The following GCKR variants were observed in gnomAD, a reference collection of about 807,000 sequenced individuals.
GCKR encodes the protein glucokinase regulatory protein.
A neutral mutation model predicts 82.9 loss-of-function variants in GCKR; 73 were observed. The observed-to-expected ratio is 0.88, with a 90% confidence interval of 0.73 to 1.07. The LOEUF is 1.07. GCKR is among the 50% of genes least tolerant of loss of function. The probability of loss-of-function intolerance (pLI) is 0.00; values close to 1 mark genes in which losing one functional copy is unlikely to be tolerated. For synonymous variants in GCKR, 294 were observed against 291.8 expected (o/e 1.01, Z -0.08); for missense variants, 784 against 782.1 (o/e 1.00, Z -0.03).
rs766286371 is a variant in GCKR at position 27,498,767 on chromosome 2, T to C, written c.398T>C (p.Leu133Pro). 4 of 1,608,150 alleles carry C rather than the reference T, an allele frequency of 2.5e-6. No homozygotes were observed. The highest frequency in any genetic ancestry group is 3.4e-6 in the Non-Finnish European group (4 of 1,174,632). Reference protein sequence around the residue: ...QLMKGLGQKPLYTYLIAGGDR... With the variant: ...QLMKGLGQKPPYTYLIAGGDR... ...ATGAAAGGTCTGGGACAGAAACCTC[T>C]TTACACCTACCTCATTGCAGGTGGT... The change falls in exon 5 of 19, where the codon CTT becomes CCT. Residue 133 changes from leucine (L) to proline (P), a missense_variant. By Grantham distance (98) the Leu-to-Pro change is moderately conservative. Transcript: ENST00000264717.
At chr2:27,511,153 G>C (rs985595929) in intron 16 of GCKR, among the ~76,000 whole-genome samples, 5 of 151,956 alleles carry the variant, frequency 3.3e-5, no homozygotes, top group African/African-American at 1.2e-4. Flanking sequence ...TCAGCCTCCT[G>C]AGTAGCTGGG....
intron 17 of GCKR, among the ~76,000 whole-genome samples, chr2:27,519,973 G>C (rs1670111292): frequency 6.6e-6 from 1 of 152,054 alleles, no homozygotes; most frequent in Admixed American, 6.6e-5. Context: ...CGGCACAACA[G>C]ATGGTCATGA....
At chr2:27,504,590 C>T (rs372690437) in intron 9 of GCKR, among the ~76,000 whole-genome samples, 1 of 151,536 alleles carries the variant, frequency 6.6e-6, no homozygotes, top group East Asian at 2.0e-4. Context: ...TCAGGTGATC[C>T]GCCCGCCTCG....
intron 17 of GCKR, among the ~76,000 whole-genome samples, chr2:27,520,606 T>A (rs375701160): frequency 7.5e-4 from 115 of 152,378 alleles, no homozygotes; most frequent in African/African-American, 2.7e-3. Context: ...ACTTGAAATG[T>A]GGCTAATGTG....
At chr2:27,517,918 C>T (rs1379218577) in intron 16 of GCKR, among the ~76,000 whole-genome samples, 1 of 152,196 alleles carries the variant, frequency 6.6e-6, no homozygotes, top group Non-Finnish European at 1.5e-5. Context: ...TTCTCCATCT[C>T]GTTATCATAT....
In GCKR at chr2:27,499,320, C is replaced by A. The variant is rs8179208; in HGVS notation, c.496-77C>A. 5.4e-4 allele frequency: 743 copies of A among 1,363,542 alleles called. 8 individuals carry two copies. In the African/African-American group the frequency reaches 8.3e-3, roughly 15 times the overall value. The allele number at this position is 1,363,542 out of a possible 1,614,324, so 84.5% of individuals were successfully genotyped here. A position where few individuals can be genotyped will look rare whatever the true frequency, so the allele number is the denominator to read the frequency against. On this transcript the variant is annotated intron_variant, in intron 6 of 18. Transcript: ENST00000264717. Reference sequence around the variant, plus strand: ...TATTTCCTCCCTCCCCTGTTCCTGGCCCTGATATCCTCACACAGTAGATTT... The same window carrying A: ...TATTTCCTCCCTCCCCTGTTCCTGGACCTGATATCCTCACACAGTAGATTT...
intron 16 of GCKR, 82 bp from the exon 17 acceptor site, chr2:27,518,706 C>A: frequency 8.7e-7 from 1 of 1,147,710 alleles, no homozygotes; most frequent in Non-Finnish European, 1.3e-6. Context: ...AGTTGGTTTC[C>A]TGTCTGATAA....
intron 17 of GCKR, among the ~76,000 whole-genome samples, chr2:27,520,383 C>G (rs1194391791): frequency 2.0e-5 from 3 of 152,130 alleles, no homozygotes; most frequent in Non-Finnish European, 4.4e-5. Context: ...AGGTCATTCA[C>G]CAAGTCCCAG....
At position 27,499,410 on chromosome 2, in the gene GCKR, A is replaced by G. The variant is rs1669516307; in HGVS notation, c.509A>G (p.Lys170Arg). ...CTCCTCTCCTAGGTGGCTGCCGGGA[A>G]GAAGAGAGTGATTGTCATTGGCATT... ...IEELKKVAAGKKRVIVIGISV... is the reference protein window; with the variant it reads ...IEELKKVAAGRKRVIVIGISV... The change falls in exon 7 of 19, where the codon AAG becomes AGG. Residue 170 changes from lysine (K) to arginine (R), a missense_variant. By Grantham distance (26) the Lys-to-Arg change is conservative. Transcript: ENST00000264717. The G allele has an allele frequency of 6.2e-7, 1 of 1,612,506 alleles. No individual in the cohort carries two copies.
intron 16 of GCKR, among the ~76,000 whole-genome samples, chr2:27,515,568 G>T (rs189639402): frequency 6.6e-6 from 1 of 152,168 alleles, no homozygotes; most frequent in Admixed American, 6.5e-5. Flanking sequence ...GGTCCAGAAA[G>T]CTTTTTCTAA....
At chr2:27,509,563 A>T (rs1275325251) in intron 16 of GCKR, 1 of 446,348 alleles carries the variant, frequency 2.2e-6, no homozygotes, top group African/African-American at 2.0e-5. Flanking sequence ...GCTGTTTGCC[A>T]ACTCCTAGAC....
At chr2:27,506,720 C>G in intron 11 of GCKR, 68 bp from the exon 12 acceptor site, 2 of 1,133,512 alleles carry the variant, frequency 1.8e-6, no homozygotes, top group African/African-American at 1.5e-5. Flanking sequence ...CTCCTGTGTT[C>G]TTCTGTGGAC....
At chr2:27,517,786 T>G (rs1021537378) in intron 16 of GCKR, among the ~76,000 whole-genome samples, 1 of 152,200 alleles carries the variant, frequency 6.6e-6, no homozygotes, top group Admixed American at 6.6e-5. Flanking sequence ...ACCACATGTT[T>G]GAACAATTTT....
chr2:27,497,121 G>A, intron 1 of GCKR, 123 bp from the exon 2 acceptor site: 1 of 1,251,588 alleles, frequency 8.0e-7, no homozygotes, highest in East Asian at 2.3e-5. Context: ...AGTTTCTGGT[G>A]TGGTATGTGT....
At chr2:27,516,649 T>A (rs371658630) in intron 16 of GCKR, among the ~76,000 whole-genome samples, 3 of 152,232 alleles carry the variant, frequency 2.0e-5, no homozygotes, top group African/African-American at 7.2e-5. Flanking sequence ...TTTCCATGTG[T>A]ACTTTAAAAT....
At chr2:27,507,384 C>T (rs149768747) in intron 13 of GCKR, 73 bp downstream of exon 13, 32 of 958,010 alleles carry the variant, frequency 3.3e-5, no homozygotes, top group South Asian at 2.2e-4. Context: ...AAGGGGAAGG[C>T]GGAGCTAGGT....
chr2:27,518,663 A>G, intron 16 of GCKR, 125 bp from the exon 17 acceptor site: 1 of 818,700 alleles, frequency 1.2e-6, no homozygotes, highest in Non-Finnish European at 2.2e-6. Context: ...GCTCAAACAA[A>G]TCATGTTTGC....
At chr2:27,520,800 C>A (rs1157098163) in intron 17 of GCKR, among the ~76,000 whole-genome samples, 1 of 152,040 alleles carries the variant, frequency 6.6e-6, no homozygotes, top group African/African-American at 2.4e-5. Context: ...TTCTGGGAGG[C>A]CGAAGCAGGC....
rs1285239617 is a variant in GCKR at position 27,498,748 on chromosome 2, G to A, written c.379G>A (p.Gly127Ser). The A allele has an allele frequency of 1.9e-6, 3 of 1,607,192 alleles. No homozygotes were observed. The highest frequency in any genetic ancestry group is 1.7e-5 in the Admixed American group (1 of 60,010). Residue 127 changes from glycine to serine, a missense_variant, in exon 5 of 19, where the codon GGT (glycine) becomes AGT (serine). Physicochemically the swap from Gly to Ser is moderately conservative, Grantham distance 56 (BLOSUM62 0). Coordinates refer to ENST00000264717, the MANE Select transcript of GCKR (RefSeq NM_001486.4). ...MSVSFNQLMKGLGQKPLYTYL... is the reference protein window; with the variant it reads ...MSVSFNQLMKSLGQKPLYTYL... The stretch of plus-strand genomic sequence containing the variant: ...GGTGTCCTTTAATCAGCTGATGAAA[G>A]GTCTGGGACAGAAACCTCTTTACAC...
Sources: gnomAD v4.1 joint callset for allele counts (sites outside exome capture counted in the v4.1 genomes callset) on GRCh38, gnomAD v4.1.1 for gene constraint, MANE v1.5 for transcripts, NCBI Gene and HGNC (gene_info 2026-07-23, HGNC 2026-07-21) for gene names.